TAFA5: variants seen among roughly 807,000 people sequenced by gnomAD.
TAFA5 encodes TAFA chemokine like family member 5.
Under a neutral mutation model 15.3 loss-of-function variants are expected in TAFA5, and 6 were observed. The observed-to-expected ratio is 0.39, with a 90% CI of 0.21 to 0.77. The LOEUF (loss-of-function observed/expected upper bound fraction) is 0.77. Ranked by LOEUF, TAFA5 falls within the 30% of genes least tolerant of loss-of-function variation. The pLI is 0.41. For missense variants in TAFA5, 161 were observed against 193.1 expected (o/e 0.83, Z 0.98); for synonymous variants, 103 against 80.7 (o/e 1.28, Z -1.48).
intron 3 of TAFA5, among the ~76,000 whole-genome samples, chr22:48,718,132 G>A (rs796770886): frequency 3.3e-5 from 5 of 152,296 alleles, no homozygotes; most frequent in African/African-American, 1.2e-4. Context: ...GGGAGGGTCT[G>A]CAATGCCCTC....
intron 1 of TAFA5, among the ~76,000 whole-genome samples, chr22:48,559,997 G>T (rs1457701476): frequency 6.6e-6 from 1 of 152,188 alleles, no homozygotes; most frequent in Non-Finnish European, 1.5e-5. Context: ...CCGTGGGTGT[G>T]AGGGTCTGGG....
chr22:48,520,390 G>A (rs975292295), intron 1 of TAFA5, among the ~76,000 whole-genome samples: 5 of 152,208 alleles, frequency 3.3e-5, no homozygotes, highest in South Asian at 2.1e-4. Flanking sequence ...CCATTCCACC[G>A]TGCACGGGCT....
chr22:48,499,509 G>A (rs1036152979), intron 1 of TAFA5, among the ~76,000 whole-genome samples: 4 of 152,160 alleles, frequency 2.6e-5, no homozygotes, highest in African/African-American at 4.8e-5. Context: ...TAGCACCGAC[G>A]TGCCCTTCTG....
At chr22:48,657,619 G>A (rs138069356) in intron 2 of TAFA5, among the ~76,000 whole-genome samples, 10 of 152,272 alleles carry the variant, frequency 6.6e-5, no homozygotes, top group East Asian at 3.9e-4. Flanking sequence ...TTTGGGTTTC[G>A]TGCATTCCCA....
At chr22:48,712,672 C>T (rs990141407) in intron 3 of TAFA5, among the ~76,000 whole-genome samples, 13 of 152,226 alleles carry the variant, frequency 8.5e-5, no homozygotes, top group Non-Finnish European at 1.5e-4. Context: ...CGTCCACCTG[C>T]CCCAGGCGAG....
intron 1 of TAFA5, among the ~76,000 whole-genome samples, chr22:48,558,613 G>T (rs1923120327): frequency 6.6e-6 from 1 of 152,170 alleles, no homozygotes; most frequent in African/African-American, 2.4e-5. Flanking sequence ...CATTGCTGTG[G>T]AATATTCATT....
chr22:48,534,755 G>C (rs931728046), intron 1 of TAFA5, among the ~76,000 whole-genome samples: 1 of 152,182 alleles, frequency 6.6e-6, no homozygotes, highest in Non-Finnish European at 1.5e-5. Context: ...GCTCTCCGGC[G>C]GGCACCGCGG....
At chr22:48,632,526 G>A (rs1347516973) in intron 1 of TAFA5, among the ~76,000 whole-genome samples, 3 of 150,692 alleles carry the variant, frequency 2.0e-5, no homozygotes, top group African/African-American at 5.0e-5. Context: ...CTCTGAGCTC[G>A]GTGCCTGCCA....
At chr22:48,624,536 A>T (rs1925960602) in intron 1 of TAFA5, among the ~76,000 whole-genome samples, 2 of 152,234 alleles carry the variant, frequency 1.3e-5, no homozygotes, top group African/African-American at 4.8e-5. Context: ...ATCAGTGTGG[A>T]CTGATAGATG....
chr22:48,652,784 G>A (rs1208721431), intron 2 of TAFA5, among the ~76,000 whole-genome samples: 2 of 152,000 alleles, frequency 1.3e-5, no homozygotes, highest in Non-Finnish European at 2.9e-5. Flanking sequence ...GACCAGCTGG[G>A]TACCTGCCTG....
chr22:48,553,347 T>C (rs947188236), intron 1 of TAFA5, among the ~76,000 whole-genome samples: 1 of 152,132 alleles, frequency 6.6e-6, no homozygotes, highest in African/African-American at 2.4e-5. Flanking sequence ...CGGTCTCAGC[T>C]CTGTTCCTGG....
chr22:48,619,872 C>T lies in TAFA5; in HGVS notation c.113-26725C>T, dbSNP rs567005556. Among the ~76,000 whole-genome samples the T allele has an allele frequency of 1.2e-4, 18 of 152,342 alleles. No homozygotes were observed. The South Asian group carries it at 1.2e-3, about 11-fold the overall frequency. On this transcript the variant is annotated intron_variant, in intron 1 of 3. Coordinates refer to ENST00000402357, the MANE Select transcript of TAFA5 (RefSeq NM_001082967.3). ...GCCCTGGCTCAGGAGCCCCTGAGAG[C>T]GGCTTCTGCTCCCCGAGCTTCCTGC...
chr22:48,578,513 A>G (rs1305427860), intron 1 of TAFA5, among the ~76,000 whole-genome samples: 2 of 152,104 alleles, frequency 1.3e-5, no homozygotes, highest in African/African-American at 2.4e-5. Context: ...CTTCACAGAG[A>G]TCTCCATGTT....
At chr22:48,708,127 G>C (rs918299181) in intron 3 of TAFA5, among the ~76,000 whole-genome samples, 2 of 152,176 alleles carry the variant, frequency 1.3e-5, no homozygotes, top group African/African-American at 4.8e-5. Context: ...ACCAGGTCTC[G>C]AAACCCCCTG....
In TAFA5 at chr22:48,641,951, T is replaced by A. The variant is rs1926695652; in HGVS notation, c.113-4646T>A. ...GATGAGAGAAAAGACAGAAACACCA[T>A]CCCCTATCTCCAAGAAAAGGCCGGC... On this transcript the variant is annotated intron_variant, in intron 1 of 3. Transcript: ENST00000402357. 2.0e-5 allele frequency among the ~76,000 whole-genome samples: 3 copies of A among 152,112 alleles called. No homozygotes were observed. In the South Asian group the frequency reaches 6.2e-4, roughly 31 times the overall value.
At chr22:48,664,957 T>C (rs976067055) in intron 2 of TAFA5, among the ~76,000 whole-genome samples, 1 of 152,308 alleles carries the variant, frequency 6.6e-6, no homozygotes, top group East Asian at 1.9e-4. Context: ...AGCATTCGCC[T>C]TGGAGTGGCA....
intron 2 of TAFA5, among the ~76,000 whole-genome samples, chr22:48,694,276 A>G (rs1928632375): frequency 6.6e-6 from 1 of 152,216 alleles, no homozygotes. Context: ...CAGCTGTCCA[A>G]GGGCCCCAAC....
chr22:48,603,440 G>A (rs573931517), intron 1 of TAFA5, among the ~76,000 whole-genome samples: 18 of 152,364 alleles, frequency 1.2e-4, no homozygotes, highest in African/African-American at 3.8e-4. Context: ...GTGGTGCCGG[G>A]TGTCTGACGG....
intron 3 of TAFA5, among the ~76,000 whole-genome samples, chr22:48,739,272 T>C (rs889877689): frequency 2.6e-5 from 4 of 152,324 alleles, no homozygotes; most frequent in African/African-American, 4.8e-5. Context: ...TATTTTTTTT[T>C]CCCAGAGAAG....
Sources: allele counts gnomAD v4.1 joint callset (sites outside exome capture counted in the v4.1 genomes callset), GRCh38; gene constraint gnomAD v4.1.1; transcripts MANE v1.5; gene names NCBI Gene and HGNC (gene_info 2026-07-23, HGNC 2026-07-21).